The following QPCT variants were observed in gnomAD, a reference collection of about 807,000 sequenced individuals.
QPCT encodes glutaminyl-peptide cyclotransferase, also known as EC.
A neutral mutation model predicts 43.4 loss-of-function variants in QPCT; 44 were observed. The observed-to-expected ratio is 1.01, with a 90% CI of 0.80 to 1.30. The LOEUF is 1.30. Among genes scored for constraint, QPCT ranks in the 50% most tolerant of loss-of-function variants. QPCT has a pLI of 0.00. For missense variants in QPCT, 526 were observed against 436.5 expected (o/e 1.21, Z -1.83); for synonymous variants, 168 against 168.4 (o/e 1.00, Z 0.02).
chr2:37,369,300 GA>G (rs1673025707), intron 4 of QPCT, among the ~76,000 whole-genome samples: 1 of 152,212 alleles, frequency 6.6e-6, no homozygotes, highest in Admixed American at 6.5e-5. Context: ...TATCATTACA[GA>G]TTAAGGATAA....
Position 37,372,342 on chromosome 2 carries a change from A to C in QPCT, c.824-14A>C, listed in dbSNP as rs557893780. 3.2e-6 allele frequency: 5 copies of C among 1,539,614 alleles called. No homozygotes were observed. In the South Asian group the frequency reaches 5.6e-5, roughly 17 times the overall value. ...AAAATAGTTGTTCATTTACTGTATA[A>C]TTGTCATCTACAGAACATGAACTTC... On this transcript the variant is annotated splice_polypyrimidine_tract_variant and intron_variant, in intron 5 of 6. Coordinates refer to ENST00000338415, the MANE Select transcript of QPCT (RefSeq NM_012413.4).
chr2:37,362,773 G>C (rs1002303621), intron 3 of QPCT, among the ~76,000 whole-genome samples: 2 of 152,150 alleles, frequency 1.3e-5, no homozygotes, highest in Admixed American at 1.3e-4. Flanking sequence ...TCCTAAAAAG[G>C]CTCAGGAATT....
intron 2 of QPCT, chr2:37,358,670 T>C (rs1672798829): frequency 6.6e-6 from 1 of 152,218 alleles, no homozygotes; most frequent in African/African-American, 2.4e-5. Context: ...CTGTGTTGCC[T>C]TATAAGGCTC....
At position 37,347,147 on chromosome 2, in the gene QPCT, TA is replaced by T. The variant is rs1558599225; in HGVS notation, c.120+2297del. 4.9e-3 allele frequency among the ~76,000 whole-genome samples: 24 copies of T among 4,938 alleles called. 5 individuals are homozygous for T. Among genetic ancestry groups the T allele is most frequent in the Non-Finnish European group, 4.3e-3 (10 of 2,330 alleles). The allele number at this position is 4,938 out of a possible 152,430, so 3.2% of individuals were successfully genotyped here. A position where few individuals can be genotyped will look rare whatever the true frequency, so the allele number is the denominator to read the frequency against. On this transcript the variant is annotated intron_variant, in intron 1 of 6. Coordinates refer to ENST00000338415, the MANE Select transcript of QPCT (RefSeq NM_012413.4). Reference sequence around the variant, plus strand: ...TGGCATCTGGGTATGGGGTGTTTTATATATATATATATATATAACATATATA... The same window carrying T: ...TGGCATCTGGGTATGGGGTGTTTTATTATATATATATATATAACATATATA...
rs1673036365 is a variant in QPCT, at chr2:37,369,782, T to C, written c.821T>C (p.Ile274Thr). ...AGGTGGTTCGAAAGACTTCAAGCAATTGGTAAGCACCACTGTTATTAATGA... is the reference window on the plus strand; with the variant it reads ...AGGTGGTTCGAAAGACTTCAAGCAACTGGTAAGCACCACTGTTATTAATGA... Reference protein sequence around the residue: ...SARWFERLQAIEHELHELGLL... With the variant: ...SARWFERLQATEHELHELGLL... Residue 274 changes from isoleucine to threonine, a missense_variant and splice_region_variant, in exon 5 of 7, where the codon ATT becomes ACT. Coordinates refer to ENST00000338415, the MANE Select transcript of QPCT (RefSeq NM_012413.4). The C allele has an allele frequency of 6.4e-7, 1 of 1,562,506 alleles. No individual in the cohort carries two copies. The highest frequency in any genetic ancestry group is 1.1e-5 in the South Asian group (1 of 90,010).
chr2:37,369,175 C>A (rs1272674435), intron 4 of QPCT, among the ~76,000 whole-genome samples: 1 of 152,248 alleles, frequency 6.6e-6, no homozygotes, highest in Non-Finnish European at 1.5e-5. Flanking sequence ...ATTTGATACA[C>A]AAGGAAATGG....
intron 1 of QPCT, among the ~76,000 whole-genome samples, chr2:37,350,527 A>C (rs1247615058): frequency 6.6e-6 from 1 of 152,222 alleles, no homozygotes; most frequent in African/African-American, 2.4e-5. Flanking sequence ...AAATCTTCTG[A>C]TGTTCAGGCA....
Position 37,367,389 on chromosome 2 carries a change from C to G in QPCT, c.704C>G (p.Thr235Ser), listed in dbSNP as rs748217939. The G allele has an allele frequency of 3.7e-6, 6 of 1,613,672 alleles. No individual in the cohort carries two copies. In the Admixed American group the frequency reaches 8.3e-5, roughly 22 times the overall value. Residue 235 changes from threonine to serine, a missense_variant, in exon 4 of 7, where the codon ACC becomes AGC. Transcript: ENST00000338415. ...CCGCACCCACCTGGAGCGAGAGGCA[C>G]CAGCCAACTGCATGGCATGGTTAGT... ...STPHPPGARG[T>S]SQLHGMDLLV... is the part of the protein sequence containing the mutation.
chr2:37,355,648 A>G (rs956813621), intron 2 of QPCT, among the ~76,000 whole-genome samples: 25 of 152,172 alleles, frequency 1.6e-4, no homozygotes, highest in African/African-American at 6.0e-4. Flanking sequence ...AATGACCCCA[A>G]AGCTGCCTAT....
At chr2:37,360,473 A>AG (rs779303124) in intron 3 of QPCT, among the ~76,000 whole-genome samples, 80 of 152,312 alleles carry the variant, frequency 5.3e-4, no homozygotes, top group Admixed American at 1.5e-3. Context: ...TCTTAAGGGT[A>AG]TATTGGAAAA....
At chr2:37,358,890 T>C (rs1572733038) in intron 2 of QPCT, 1 of 152,320 alleles carries the variant, frequency 6.6e-6, no homozygotes, top group African/African-American at 2.4e-5. Flanking sequence ...CCTTAGCAGG[T>C]GAGCATCTGT....
intron 6 of QPCT, 47 bp from the exon 7 acceptor site, chr2:37,372,635 C>T (rs370341168): frequency 1.9e-5 from 30 of 1,584,274 alleles, no homozygotes; most frequent in African/African-American, 8.1e-5. Flanking sequence ...TTCTAGTTTA[C>T]TCACTGGAGT....
chr2:37,356,042 T>C lies in QPCT; in HGVS notation c.267+3107T>C, dbSNP rs531201079. On this transcript the variant is annotated intron_variant, in intron 2 of 6. Coordinates refer to ENST00000338415, the MANE Select transcript of QPCT (RefSeq NM_012413.4). Reference sequence around the variant, plus strand: ...GCAGATGTCCGCATCCTGACGACGATGTGTTTGCAGACTTAACACAAATAC... The same window carrying C: ...GCAGATGTCCGCATCCTGACGACGACGTGTTTGCAGACTTAACACAAATAC... Among the ~76,000 whole-genome samples, 142 of 152,310 alleles carry C rather than the reference T, an allele frequency of 9.3e-4. 1 individual carries two copies. Among genetic ancestry groups the C allele is most frequent in the African/African-American group, 3.4e-3 (140 of 41,570 alleles).
At position 37,369,722 on chromosome 2, in the gene QPCT, AC is replaced by A; in HGVS notation, c.764del (p.Pro255GlnfsTer48). The A allele has an allele frequency of 6.2e-7, 1 of 1,609,192 alleles. No homozygotes were observed. Among genetic ancestry groups the A allele is most frequent in the Non-Finnish European group, 8.5e-7 (1 of 1,175,458 alleles). On this transcript the variant is annotated frameshift_variant, in exon 5 of 7. Coordinates refer to ENST00000338415, the MANE Select transcript of QPCT (RefSeq NM_012413.4). LOFTEE classifies it high-confidence loss of function. ...LVLLDLIGAP[N>X]PTFPNFFPNS... ...TTATTGGATTTGATTGGAGCTCCAA[AC>A]CCAACGTTTCCCAATTTTTTTCCAA...
At position 37,349,060 on chromosome 2, in the gene QPCT, C is replaced by T. The variant is rs139363942; in HGVS notation, c.121-3729C>T. On this transcript the variant is annotated intron_variant, in intron 1 of 6. Transcript: ENST00000338415. ...TGCATGCTATTTAGGTTGGGAAAGT[C>T]AAATGCTTTTCCACACAGGGCTTTA... Among the ~76,000 whole-genome samples, 714 of 152,278 alleles carry T rather than the reference C, an allele frequency of 4.7e-3. 10 individuals carry two copies. Among genetic ancestry groups the T allele is most frequent in the African/African-American group, 0.016 (684 of 41,558 alleles).
rs142847125 is a variant in QPCT at position 37,359,709 on chromosome 2, C to A, written c.397C>A (p.Arg133=). Residue 133 remains arginine, a synonymous_variant, in exon 3 of 7, where the codon CGA becomes AGA. Coordinates refer to ENST00000338415, the MANE Select transcript of QPCT (RefSeq NM_012413.4). ...CAGCACCCTCAATCCCACTGCTAAA[C>A]GACATTTGGTCCTCGCCTGCCACTA... ...IISTLNPTAK[R]HLVLACHYDS... 1 of 1,614,022 alleles carries A rather than the reference C, an allele frequency of 6.2e-7. No homozygotes were observed. Among genetic ancestry groups the A allele is most frequent in the African/African-American group, 1.3e-5 (1 of 74,918 alleles).
rs1389307350 is a variant in QPCT at position 37,347,144 on chromosome 2, T to TTTTATATATATA, written c.120+2294_120+2295insTTATATATATAT. Among the ~76,000 whole-genome samples, 179 of 55,082 alleles carry TTTTATATATATA rather than the reference T, an allele frequency of 3.2e-3. 40 individuals carry two copies. The highest frequency in any genetic ancestry group is 0.01 in the East Asian group (6 of 586). 36.1% of individuals were successfully genotyped at this position (55,082 alleles called of 152,430 possible). A position where few individuals can be genotyped will look rare whatever the true frequency, so the allele number is the denominator to read the frequency against. ...CATTGGCATCTGGGTATGGGGTGTTTTATATATATATATATATATAACATA... is the reference window on the plus strand; with the variant it reads ...CATTGGCATCTGGGTATGGGGTGTTTTTTATATATATATATATATATATATATATATAACATA... On this transcript the variant is annotated intron_variant, in intron 1 of 6. Transcript: ENST00000338415.
chr2:37,366,481 A>T (rs1672963734), intron 3 of QPCT, among the ~76,000 whole-genome samples: 1 of 152,200 alleles, frequency 6.6e-6, no homozygotes, highest in Non-Finnish European at 1.5e-5. Flanking sequence ...GGCTATAATT[A>T]TTATTCTTCG....
intron 3 of QPCT, among the ~76,000 whole-genome samples, chr2:37,366,690 A>G (rs1404624349): frequency 6.6e-6 from 1 of 152,212 alleles, no homozygotes; most frequent in Non-Finnish European, 1.5e-5. Context: ...GGGAGGGGAA[A>G]GAAATGGTGT....
Sources: allele counts gnomAD v4.1 joint callset (sites outside exome capture counted in the v4.1 genomes callset), GRCh38; gene constraint gnomAD v4.1.1; transcripts MANE v1.5; gene names NCBI Gene and HGNC (gene_info 2026-07-23, HGNC 2026-07-21).